Variants in EML6 observed in about 807,000 individuals in gnomAD.
EML6 encodes the protein echinoderm microtubule-associated protein-like 6.
Under a neutral mutation model 240.1 loss-of-function variants are expected in EML6, and 154 were observed. The ratio of observed to expected loss-of-function variants is 0.64; its 90% CI spans 0.56 to 0.73. The LOEUF (loss-of-function observed/expected upper bound fraction) is 0.73. Among genes scored for constraint, EML6 ranks in the 30% least tolerant of loss-of-function variants. EML6 has a pLI of 0.00. For synonymous variants in EML6, 1,148 were observed against 899.0 expected, an observed-to-expected ratio of 1.28 and a Z score of -4.95; for missense variants, 2,964 against 2,474.6, an observed-to-expected ratio of 1.20 and a Z score of -4.20.
intron 17 of EML6, among the ~76,000 whole-genome samples, chr2:54,885,713 G>T (rs748991413): frequency 6.6e-6 from 1 of 151,946 alleles, no homozygotes; most frequent in Admixed American, 6.6e-5. Context: ...CCAGGTTCAC[G>T]CCATTCTCTT....
intron 2 of EML6, among the ~76,000 whole-genome samples, chr2:54,759,252 C>A (rs970176724): frequency 1.3e-5 from 2 of 149,732 alleles, no homozygotes; most frequent in African/African-American, 4.9e-5. Flanking sequence ...GATAATTAGG[C>A]CCACAGTTTA....
intron 19 of EML6, among the ~76,000 whole-genome samples, chr2:54,894,714 T>A (rs997198): frequency 0.36 from 55,068 of 151,976 alleles, 10,308 homozygotes; most frequent in Middle Eastern, 0.46. Flanking sequence ...GAGAACGTGC[T>A]TAATCTTGCT....
intron 23 of EML6, 71 bp downstream of exon 23, chr2:54,903,267 T>G (rs1399137850): frequency 1.3e-5 from 20 of 1,522,876 alleles, no homozygotes; most frequent in Non-Finnish European, 1.8e-5. Context: ...ATGAACTATT[T>G]CAAATGTTTC....
At chr2:54,966,851 A>G (rs1676771441) in intron 38 of EML6, 149 bp from the exon 39 acceptor site, 2 of 555,560 alleles carry the variant, frequency 3.6e-6, no homozygotes. Context: ...TGGGCTGGCC[A>G]TAGGCTTTGC....
intron 29 of EML6, among the ~76,000 whole-genome samples, chr2:54,949,848 T>C (rs1675885933): frequency 6.6e-6 from 1 of 152,234 alleles, no homozygotes; most frequent in South Asian, 2.1e-4. Context: ...TTCAAGCCCC[T>C]GTGTTGTCAT....
At chr2:54,861,171 G>C (rs1239170421) in intron 12 of EML6, among the ~76,000 whole-genome samples, 1 of 152,194 alleles carries the variant, frequency 6.6e-6, no homozygotes, top group Non-Finnish European at 1.5e-5. Flanking sequence ...CCAGAGCTCA[G>C]CACTTCATGA....
At chr2:54,850,454 C>A (rs1670014776) in intron 10 of EML6, 1 of 454,328 alleles carries the variant, frequency 2.2e-6, no homozygotes. Context: ...TGCTGCACAA[C>A]AAGGGAGATC....
At chr2:54,852,118 C>A (rs1670123129) in intron 10 of EML6, among the ~76,000 whole-genome samples, 1 of 152,122 alleles carries the variant, frequency 6.6e-6, no homozygotes, top group Admixed American at 6.5e-5. Context: ...TTGTTTTAGT[C>A]CCAGATCTTT....
intron 2 of EML6, among the ~76,000 whole-genome samples, chr2:54,739,609 T>A (rs116226050): frequency 0.041 from 6,198 of 152,274 alleles, 184 homozygotes; most frequent in South Asian, 0.096. Context: ...AGCACACATC[T>A]CCTCTCAATG....
intron 26 of EML6, among the ~76,000 whole-genome samples, chr2:54,923,589 A>G (rs939929264): frequency 5.9e-5 from 9 of 152,182 alleles, no homozygotes; most frequent in African/African-American, 2.2e-4. Flanking sequence ...TAAATGTTTC[A>G]TCATGCATAT....
At chr2:54,945,039 C>T (rs1331294178) in intron 28 of EML6, among the ~76,000 whole-genome samples, 4 of 119,376 alleles carry the variant, frequency 3.4e-5, no homozygotes, top group Non-Finnish European at 5.3e-5. Flanking sequence ...CCTCCTCCTT[C>T]ACTCCTTCCC....
At chr2:54,849,327 A>G (rs530206678) in intron 9 of EML6, among the ~76,000 whole-genome samples, 2 of 152,348 alleles carry the variant, frequency 1.3e-5, no homozygotes, top group African/African-American at 4.8e-5. Flanking sequence ...TATAACCTAT[A>G]GTTACTCCAC....
chr2:54,791,160 G>C (rs962888264), intron 2 of EML6, among the ~76,000 whole-genome samples: 6 of 152,178 alleles, frequency 3.9e-5, no homozygotes, highest in Non-Finnish European at 5.9e-5. Context: ...AGGTGAGGGA[G>C]GACGTGTAGG....
intron 39 of EML6, 109 bp downstream of exon 39, chr2:54,967,212 A>G (rs1676786255): frequency 5.5e-6 from 4 of 723,234 alleles, no homozygotes; most frequent in African/African-American, 1.8e-5. Flanking sequence ...TGAGAAATGG[A>G]GCTGTCTTTT....
chr2:54,832,050 C>A (rs954153435), intron 7 of EML6, among the ~76,000 whole-genome samples: 4 of 152,128 alleles, frequency 2.6e-5, no homozygotes, highest in African/African-American at 9.7e-5. Context: ...TTATCCTCTC[C>A]CCCTGGCTTG....
intron 2 of EML6, among the ~76,000 whole-genome samples, chr2:54,808,908 G>T (rs534869609): frequency 2.0e-4 from 31 of 152,282 alleles, no homozygotes; most frequent in Non-Finnish European, 4.0e-4. Context: ...GTCCTTCTCT[G>T]CAGTGCTTTC....
chr2:54,955,218 C>T (rs570828764), intron 32 of EML6, among the ~76,000 whole-genome samples: 1 of 152,310 alleles, frequency 6.6e-6, no homozygotes, highest in South Asian at 2.1e-4. Context: ...CAGATTCATT[C>T]CTTGTGATGT....
intron 15 of EML6, among the ~76,000 whole-genome samples, chr2:54,870,204 C>A (rs548451000): frequency 3.9e-5 from 6 of 152,166 alleles, no homozygotes; most frequent in Admixed American, 3.3e-4. Flanking sequence ...GGTGGTAAAG[C>A]CTTTGGACAG....
chr2:54,747,676 A>C (rs996581497), intron 2 of EML6, among the ~76,000 whole-genome samples: 6 of 152,208 alleles, frequency 3.9e-5, no homozygotes, highest in African/African-American at 1.4e-4. Context: ...ACTTTAAGTA[A>C]ACTTATTTGA....
Sources: allele counts gnomAD v4.1 joint callset (sites outside exome capture counted in the v4.1 genomes callset), GRCh38; gene constraint gnomAD v4.1.1; transcripts MANE v1.5; gene names NCBI Gene and HGNC (gene_info 2026-07-23, HGNC 2026-07-21).